Variants in OR2T12 observed in about 807,000 individuals in gnomAD.
OR2T12 encodes olfactory receptor family 2 subfamily T member 12, also known as olfactory receptor 2T12.
For synonymous variants in OR2T12, 127 were observed against 160.5 expected (o/e 0.79, Z 1.58); for missense variants, 335 against 404.3 (o/e 0.83, Z 1.47).
At chr1:248,296,296 A>T (rs186704615) in intron 2 of OR2T12, among the ~76,000 whole-genome samples, 1 of 152,152 alleles carries the variant, frequency 6.6e-6, no homozygotes. Context: ...GCTATTGTGA[A>T]TAGTGCCGCA....
intron 2 of OR2T12, among the ~76,000 whole-genome samples, chr1:248,298,235 T>C (rs865865115): frequency 0.023 from 3,521 of 151,992 alleles, 114 homozygotes; most frequent in African/African-American, 0.081. Context: ...TTTTGATGAG[T>C]TGCTGGATTT....
In OR2T12 at chr1:248,295,466, A is replaced by C. The variant is rs754609241; in HGVS notation, c.113T>G (p.Phe38Cys). Residue 38 changes from phenylalanine to cysteine, a missense_variant, in exon 3 of 3, where the codon TTT becomes TGT. Phe to Cys is a radical substitution (Grantham distance 205). Transcript: ENST00000641276. ...MLLATVLTSL[F>C]SNALMILLIH... ...CAGGAGAATCATGAGGGCATTGCTAAACAGGGAGGTCAAAACGGTGGCCAG... is the reference window on the plus strand; with the variant it reads ...CAGGAGAATCATGAGGGCATTGCTACACAGGGAGGTCAAAACGGTGGCCAG... 3 of 1,612,854 alleles carry C rather than the reference A, an allele frequency of 1.9e-6. No individual in the cohort carries two copies. Among genetic ancestry groups the C allele is most frequent in the Non-Finnish European group, 2.5e-6 (3 of 1,179,688 alleles).
In OR2T12 at chr1:248,293,884, A is replaced by T. The variant is rs1368695853; in HGVS notation, c.*732T>A. 4.6e-5 allele frequency: 3 copies of T among 64,572 alleles called. No individual in the cohort carries two copies. The highest frequency in any genetic ancestry group is 6.9e-4 in the East Asian group (1 of 1,452). The allele number at this position is 64,572 out of a possible 1,614,324, so 4.0% of individuals were successfully genotyped here. A position where few individuals can be genotyped will look rare whatever the true frequency, so the allele number is the denominator to read the frequency against. The stretch of plus-strand genomic sequence containing the variant: ...CTTATATAAAAAATTACATGAATTT[A>T]AAAAAGTTTGCCTTAAAACACCAAA... On this transcript the variant is annotated 3_prime_UTR_variant, in exon 3 of 3. Transcript: ENST00000641276.
Position 248,290,313 on chromosome 1 carries a change from G to A in OR2T12, c.*4303C>T, listed in dbSNP as rs1257261834. On this transcript the variant is annotated 3_prime_UTR_variant, in exon 3 of 3. Transcript: ENST00000641276. ...CCACTTATGAATGAGAACATGCGGT[G>A]TTTGGTTTTCTGTTCCTGTGTTAGT... is the stretch of plus-strand genomic sequence containing the variant. 1 of 152,136 alleles carries A rather than the reference G, an allele frequency of 6.6e-6. No homozygotes were observed. The highest frequency in any genetic ancestry group is 1.5e-5 in the Non-Finnish European group (1 of 68,034). The allele number at this position is 152,136 out of a possible 1,614,324, so 9.4% of individuals were successfully genotyped here.
Position 248,295,541 on chromosome 1 carries a change from A to G in OR2T12, c.38T>C (p.Leu13Pro). Residue 13 changes from leucine to proline, a missense_variant, in exon 3 of 3, where the codon CTA becomes CCA. By Grantham distance (98) the Leu-to-Pro change is moderately conservative. Transcript: ENST00000641276. ...GGCTCTGGTGTGGTTAAAGAGTCCT[A>G]GGAGAATAAAATCTGGGGTAGTATT... is the stretch of plus-strand genomic sequence containing the variant. Reference protein sequence around the residue: ...MRNTTPDFILLGLFNHTRAHQ... With the variant: ...MRNTTPDFILPGLFNHTRAHQ... The G allele has an allele frequency of 6.2e-7, 1 of 1,606,024 alleles. No individual in the cohort carries two copies. The highest frequency in any genetic ancestry group is 1.1e-5 in the South Asian group (1 of 89,814).
rs1659810740 is a variant in OR2T12 at position 248,301,504 on chromosome 1, G to T, written c.-140C>A. ...TATTTGTATATATTCCTATAAAAAT[G>T]GATCTGTGGTGAAATATCATTGCAA... is the stretch of plus-strand genomic sequence containing the variant. On this transcript the variant is annotated 5_prime_UTR_variant, in exon 2 of 3. Transcript: ENST00000641276. The T allele has an allele frequency of 6.6e-6, 1 of 151,926 alleles. No homozygotes were observed. 9.4% of individuals were successfully genotyped at this position (151,926 alleles called of 1,614,324 possible). A position where few individuals can be genotyped will look rare whatever the true frequency, so the allele number is the denominator to read the frequency against.
chr1:248,302,682 T>C (rs1311634271), intron 1 of OR2T12, among the ~76,000 whole-genome samples: 1 of 152,146 alleles, frequency 6.6e-6, no homozygotes, highest in Non-Finnish European at 1.5e-5. Context: ...GGACCAGATG[T>C]GTTGCAGATT....
chr1:248,301,136 G>C (rs1659806112), intron 2 of OR2T12, among the ~76,000 whole-genome samples: 1 of 151,850 alleles, frequency 6.6e-6, no homozygotes, highest in Non-Finnish European at 1.5e-5. Context: ...TGCTAAAATT[G>C]ACTTCATTGA....
chr1:248,298,461 C>G (rs554672657), intron 2 of OR2T12, among the ~76,000 whole-genome samples: 3 of 152,074 alleles, frequency 2.0e-5, no homozygotes, highest in Non-Finnish European at 4.4e-5. Flanking sequence ...GTAGAATTTG[C>G]CTGTGAATCC....
In OR2T12 at chr1:248,290,146, C is replaced by T. The variant is rs1249608520; in HGVS notation, c.*4470G>A. The stretch of plus-strand genomic sequence containing the variant: ...AGGTCCCAATGTGTGATGTTTCCCT[C>T]CCTGTGTCCATGTATTCTCATTGTT... On this transcript the variant is annotated 3_prime_UTR_variant, in exon 3 of 3. Coordinates refer to ENST00000641276, the MANE Select transcript of OR2T12 (RefSeq NM_001004692.2). The T allele has an allele frequency of 6.6e-6, 1 of 151,788 alleles. No individual in the cohort carries two copies. The allele number at this position is 151,788 out of a possible 1,614,324, so 9.4% of individuals were successfully genotyped here.
At chr1:248,297,980 T>C (rs1659758631) in intron 2 of OR2T12, among the ~76,000 whole-genome samples, 2 of 151,398 alleles carry the variant, frequency 1.3e-5, no homozygotes, top group Admixed American at 1.3e-4. Flanking sequence ...TGATATTGGC[T>C]GTGGGTTTGT....
Position 248,290,570 on chromosome 1 carries a change from A to G in OR2T12, c.*4046T>C, listed in dbSNP as rs535588720. On this transcript the variant is annotated 3_prime_UTR_variant, in exon 3 of 3. Coordinates refer to ENST00000641276, the MANE Select transcript of OR2T12 (RefSeq NM_001004692.2). ...GAATGATTTAAAATCCTTTGGGTAT[A>G]TACCCAGAAATGGGATTTCTGGGTC... The G allele has an allele frequency of 1.3e-5, 2 of 152,282 alleles. No individual in the cohort carries two copies. Among genetic ancestry groups the G allele is most frequent in the South Asian group, 2.1e-4 (1 of 4,820 alleles). The allele number at this position is 152,282 out of a possible 1,614,324, so 9.4% of individuals were successfully genotyped here.
At chr1:248,297,175 G>A (rs113870732) in intron 2 of OR2T12, among the ~76,000 whole-genome samples, 113,270 of 150,470 alleles carry the variant, frequency 0.75, 42,846 homozygotes, top group South Asian at 0.87. Context: ...GATATGCAGC[G>A]TTATTTCTGA....
chr1:248,299,577 A>C (rs971772957), intron 2 of OR2T12, among the ~76,000 whole-genome samples: 4 of 152,198 alleles, frequency 2.6e-5, no homozygotes, highest in Non-Finnish European at 4.4e-5. Flanking sequence ...ACTCCCACAC[A>C]ATAATAATGG....
At chr1:248,301,756 T>C (rs752050179) in intron 1 of OR2T12, among the ~76,000 whole-genome samples, 6 of 152,154 alleles carry the variant, frequency 3.9e-5, no homozygotes, top group Non-Finnish European at 8.8e-5. Flanking sequence ...TGTAAAAAGA[T>C]GGTGCATACG....
At chr1:248,297,153 C>G (rs146455291) in intron 2 of OR2T12, among the ~76,000 whole-genome samples, 2,650 of 151,690 alleles carry the variant, frequency 0.017, 67 homozygotes, top group African/African-American at 0.061. Flanking sequence ...GGTCAAAGAT[C>G]AGATAGTTGT....
chr1:248,297,639 G>C (rs1199348666), intron 2 of OR2T12, among the ~76,000 whole-genome samples: 1 of 152,108 alleles, frequency 6.6e-6, no homozygotes, highest in East Asian at 1.9e-4. Context: ...GTTTACTCAT[G>C]ATTTGGCTCT....
intron 2 of OR2T12, among the ~76,000 whole-genome samples, chr1:248,296,682 G>A (rs1193370114): frequency 3.9e-5 from 6 of 152,044 alleles, no homozygotes; most frequent in South Asian, 2.1e-4. Context: ...CATGTCCTTC[G>A]CCCACTTTTT....
At chr1:248,302,361 T>A (rs989279121) in intron 1 of OR2T12, among the ~76,000 whole-genome samples, 9 of 152,126 alleles carry the variant, frequency 5.9e-5, no homozygotes, top group Non-Finnish European at 5.9e-5. Flanking sequence ...TCATGAATCC[T>A]ATTATGAGTA....
Sources: allele counts gnomAD v4.1 joint callset (sites outside exome capture counted in the v4.1 genomes callset), GRCh38; gene constraint gnomAD v4.1.1; transcripts MANE v1.5; gene names NCBI Gene and HGNC (gene_info 2026-07-23, HGNC 2026-07-21).